CCDC152: variants seen among roughly 807,000 people sequenced by gnomAD.
CCDC152 encodes the protein coiled-coil domain-containing protein 152.
CCDC152 carries 37 observed loss-of-function variants against 38.1 expected under a neutral mutation model. The ratio of observed to expected loss-of-function variants is 0.97; its 90% CI spans 0.75 to 1.28. The LOEUF (loss-of-function observed/expected upper bound fraction) is 1.28. Ranked by LOEUF, CCDC152 falls within the 50% of genes most tolerant of loss-of-function variation. The pLI is 0.00. For synonymous variants in CCDC152, 83 were observed against 87.1 expected, an observed-to-expected ratio of 0.95 and a Z score of 0.26; for missense variants, 259 against 292.1, an observed-to-expected ratio of 0.89 and a Z score of 0.83.
At chr5:42,780,119 G>A (rs975871616) in intron 5 of CCDC152, among the ~76,000 whole-genome samples, 1 of 152,074 alleles carries the variant, frequency 6.6e-6, no homozygotes, top group Non-Finnish European at 1.5e-5. Flanking sequence ...TCTTTGAGAG[G>A]TTCATTATGC....
chr5:42,792,322 C>T (rs1760015647), intron 6 of CCDC152, among the ~76,000 whole-genome samples: 1 of 152,182 alleles, frequency 6.6e-6, no homozygotes, highest in Non-Finnish European at 1.5e-5. Context: ...TGTTTGTAAG[C>T]TACCAAAGAG....
intron 6 of CCDC152, among the ~76,000 whole-genome samples, chr5:42,786,135 T>TTTGA (rs1258939938): frequency 6.6e-6 from 1 of 152,100 alleles, no homozygotes; most frequent in African/African-American, 2.4e-5. Flanking sequence ...ATAGCATGAG[T>TTTGA]TAGAGAGGCC....
At chr5:42,795,310 G>A (rs1342719520) in intron 6 of CCDC152, among the ~76,000 whole-genome samples, 1 of 152,100 alleles carries the variant, frequency 6.6e-6, no homozygotes, top group East Asian at 1.9e-4. Context: ...AGCAAAAGAT[G>A]GATATTTTGT....
At chr5:42,784,533 A>G (rs1241030076) in intron 6 of CCDC152, among the ~76,000 whole-genome samples, 1 of 152,108 alleles carries the variant, frequency 6.6e-6, no homozygotes, top group African/African-American at 2.4e-5. Context: ...TACGGCTTGC[A>G]AATATTTTCT....
At chr5:42,794,891 A>G (rs976305007) in intron 6 of CCDC152, among the ~76,000 whole-genome samples, 1 of 152,198 alleles carries the variant, frequency 6.6e-6, no homozygotes, top group Non-Finnish European at 1.5e-5. Flanking sequence ...TAACCACTAA[A>G]GGAAGAATAA....
chr5:42,785,370 G>C (rs1218726415), intron 6 of CCDC152, among the ~76,000 whole-genome samples: 3 of 152,014 alleles, frequency 2.0e-5, no homozygotes, highest in African/African-American at 7.2e-5. Flanking sequence ...TTGTTAATGG[G>C]ATTGAGTTCT....
At position 42,800,779 on chromosome 5, in the gene CCDC152, C is replaced by T; in HGVS notation, c.*998C>T. On this transcript the variant is annotated 3_prime_UTR_variant, in exon 9 of 9. Transcript: ENST00000361970. Reference sequence around the variant, plus strand: ...TTCTTTCAGCGTCAACTGGCACTGGCTTCTGTGGGTATAAGCTGCTGACTT... The same window carrying T: ...TTCTTTCAGCGTCAACTGGCACTGGTTTCTGTGGGTATAAGCTGCTGACTT... 6.2e-7 allele frequency: 1 copy of T among 1,613,858 alleles called. No individual in the cohort carries two copies. The highest frequency in any genetic ancestry group is 8.5e-7 in the Non-Finnish European group (1 of 1,179,810).
chr5:42,760,746 G>A (rs1392433490), intron 2 of CCDC152, among the ~76,000 whole-genome samples: 2 of 152,226 alleles, frequency 1.3e-5, no homozygotes, highest in African/African-American at 2.4e-5. Flanking sequence ...ATGATCATGC[G>A]TATTTTGAAG....
intron 4 of CCDC152, among the ~76,000 whole-genome samples, chr5:42,773,849 T>A (rs1012648681): frequency 5.9e-5 from 9 of 152,200 alleles, no homozygotes; most frequent in African/African-American, 2.2e-4. Flanking sequence ...AAAACCATTG[T>A]ATCTTTAGAA....
chr5:42,782,971 G>A (rs571779231), intron 5 of CCDC152, among the ~76,000 whole-genome samples: 100 of 151,892 alleles, frequency 6.6e-4, no homozygotes, highest in African/African-American at 2.2e-3. Context: ...CCGGGTTCAC[G>A]CCATTCTCCT....
chr5:42,794,135 AG>A (rs761718189), intron 6 of CCDC152, among the ~76,000 whole-genome samples: 81 of 152,338 alleles, frequency 5.3e-4, no homozygotes, highest in Non-Finnish European at 9.3e-4. Context: ...AGAACATGTG[AG>A]ATATAGGAAC....
chr5:42,790,862 C>T (rs534129937), intron 6 of CCDC152, among the ~76,000 whole-genome samples: 5 of 152,202 alleles, frequency 3.3e-5, no homozygotes, highest in African/African-American at 7.2e-5. Context: ...TAAACATGGT[C>T]ATGAAAACAG....
intron 6 of CCDC152, among the ~76,000 whole-genome samples, chr5:42,791,191 T>TA (rs1759995455): frequency 6.6e-6 from 1 of 152,194 alleles, no homozygotes; most frequent in Non-Finnish European, 1.5e-5. Context: ...TTTATTTTTT[T>TA]AAATTGTAGT....
At chr5:42,794,006 T>A (rs1341723839) in intron 6 of CCDC152, among the ~76,000 whole-genome samples, 2 of 152,240 alleles carry the variant, frequency 1.3e-5, no homozygotes, top group African/African-American at 4.8e-5. Context: ...AAAGTTTCAC[T>A]GTATTGGTTT....
chr5:42,769,629 C>T lies in CCDC152; in HGVS notation c.226C>T (p.Leu76=), dbSNP rs1302942539. Residue 76 remains leucine (L), a synonymous_variant, in exon 4 of 9, where the codon CTA becomes TTA. Transcript: ENST00000361970. ...TACTCTTCATAATATAATAAAAGGG[C>T]TACAACAGACCATTGAATATCAACA... ...CATLHNIIKG[L]QQTIEYQQNL... The T allele has an allele frequency of 2.0e-6, 3 of 1,483,386 alleles. No individual in the cohort carries two copies. The highest frequency in any genetic ancestry group is 2.6e-5 in the East Asian group (1 of 37,966). The allele number at this position is 1,483,386 out of a possible 1,614,324, so 91.9% of individuals were successfully genotyped here.
At chr5:42,779,370 A>G (rs1029929898) in intron 4 of CCDC152, 88 bp from the exon 5 acceptor site, 3 of 780,930 alleles carry the variant, frequency 3.8e-6, no homozygotes, top group Admixed American at 2.3e-5. Flanking sequence ...TTGAATGCAT[A>G]CATAATGGAA....
chr5:42,758,078 A>T (rs1318119251), intron 1 of CCDC152, among the ~76,000 whole-genome samples: 1 of 152,264 alleles, frequency 6.6e-6, no homozygotes, highest in Non-Finnish European at 1.5e-5. Context: ...AAGGGATTTT[A>T]TATGTAGTTG....
At position 42,800,476 on chromosome 5, in the gene CCDC152, GA is replaced by G. The variant is rs930806262; in HGVS notation, c.*704del. The stretch of plus-strand genomic sequence containing the variant: ...TAAAGCAAATAGAACACTGGAAAAA[GA>G]AAAAAAAAGACATATTAACCAAAAG... On this transcript the variant is annotated 3_prime_UTR_variant, in exon 9 of 9. Transcript: ENST00000361970. 79 of 408,574 alleles carry G rather than the reference GA, an allele frequency of 1.9e-4. No individual in the cohort carries two copies. The highest frequency in any genetic ancestry group is 5.6e-4 in the South Asian group (12 of 21,450). 25.3% of individuals were successfully genotyped at this position (408,574 alleles called of 1,614,324 possible).
chr5:42,788,557 G>A (rs530620716), intron 6 of CCDC152, among the ~76,000 whole-genome samples: 10 of 152,128 alleles, frequency 6.6e-5, no homozygotes, highest in South Asian at 6.2e-4. Flanking sequence ...ACCGTGCCTG[G>A]TCCTTCATCT....
Sources: allele counts gnomAD v4.1 joint callset (sites outside exome capture counted in the v4.1 genomes callset), GRCh38; gene constraint gnomAD v4.1.1; transcripts MANE v1.5; gene names NCBI Gene and HGNC (gene_info 2026-07-23, HGNC 2026-07-21).